Variants in CYP2C19 observed in about 807,000 individuals in gnomAD.
The protein encoded by CYP2C19 is cytochrome P450 family 2 subfamily C member 19.
Under a neutral mutation model 40.9 loss-of-function variants are expected in CYP2C19, and 59 were observed. That is an observed-to-expected ratio of 1.44 (90% CI 1.17 to 1.79). The LOEUF (loss-of-function observed/expected upper bound fraction) is 1.79, where lower values mean the gene tolerates loss of function less well. CYP2C19 is among the 40% of genes most tolerant of loss of function. The pLI is 0.00. For missense variants in CYP2C19, 754 were observed against 596.9 expected, an observed-to-expected ratio of 1.26 and a Z score of -2.74; for synonymous variants, 253 against 208.7, an observed-to-expected ratio of 1.21 and a Z score of -1.83.
rs1849685523 is a variant in CYP2C19, at chr10:94,853,472, C to T, written c.*558C>T. ...AGTGAGAAACTGTGTCCAGGAGCAG[C>T]TCCAACCTCTAGGGAAATATTCAGA... On this transcript the variant is annotated 3_prime_UTR_variant, in exon 9 of 9. Transcript: ENST00000371321. Among the ~76,000 whole-genome samples the T allele has an allele frequency of 6.6e-6, 1 of 151,638 alleles. No homozygotes were observed. Among genetic ancestry groups the T allele is most frequent in the Admixed American group, 6.6e-5 (1 of 15,232 alleles).
chr10:94,822,917 ATTTTTT>A (rs552158198), intron 6 of CYP2C19, among the ~76,000 whole-genome samples: 13 of 148,028 alleles, frequency 8.8e-5, no homozygotes, highest in African/African-American at 3.2e-4. Context: ...ACCATTTCTA[ATTTTTT>A]TTTTGTTTTT....
intron 5 of CYP2C19, among the ~76,000 whole-genome samples, chr10:94,790,837 T>G (rs1041217215): frequency 2.0e-5 from 3 of 152,136 alleles, no homozygotes; most frequent in African/African-American, 7.2e-5. Context: ...TCTCTTTTTT[T>G]GTGTGTCTCT....
intron 6 of CYP2C19, among the ~76,000 whole-genome samples, chr10:94,824,660 A>AT (rs1409223834): frequency 2.6e-5 from 4 of 152,072 alleles, no homozygotes; most frequent in African/African-American, 9.6e-5. Context: ...CAAACATTTC[A>AT]TTTTTTTAAT....
At chr10:94,851,545 A>G (rs1240391421) in intron 8 of CYP2C19, among the ~76,000 whole-genome samples, 1 of 152,162 alleles carries the variant, frequency 6.6e-6, no homozygotes, top group African/African-American at 2.4e-5. Flanking sequence ...TTCTTCTGCC[A>G]TATCAAAATA....
intron 6 of CYP2C19, among the ~76,000 whole-genome samples, chr10:94,835,816 G>T (rs1037495594): frequency 6.6e-6 from 1 of 152,114 alleles, no homozygotes; most frequent in African/African-American, 2.4e-5. Flanking sequence ...TAGTGCCCGA[G>T]TGAGGGCTAT....
intron 5 of CYP2C19, among the ~76,000 whole-genome samples, chr10:94,803,612 A>G (rs1222717877): frequency 6.6e-6 from 1 of 152,184 alleles, no homozygotes; most frequent in Non-Finnish European, 1.5e-5. Context: ...TAGCACCAGC[A>G]CTGAGAAATA....
chr10:94,848,143 G>T (rs1589378669), intron 7 of CYP2C19, among the ~76,000 whole-genome samples: 1 of 152,126 alleles, frequency 6.6e-6, no homozygotes, highest in Non-Finnish European at 1.5e-5. Context: ...TAGACATGAA[G>T]TCCTTGCCCA....
chr10:94,836,328 C>G (rs1849402642), intron 6 of CYP2C19, among the ~76,000 whole-genome samples: 1 of 152,242 alleles, frequency 6.6e-6, no homozygotes, highest in Non-Finnish European at 1.5e-5. Flanking sequence ...AGTTTCCTTA[C>G]TCAGGTATGC....
chr10:94,801,530 A>G (rs770474037), intron 5 of CYP2C19, among the ~76,000 whole-genome samples: 1 of 152,132 alleles, frequency 6.6e-6, no homozygotes, highest in Non-Finnish European at 1.5e-5. Flanking sequence ...TCAATTTTAG[A>G]CTAAGTGTTA....
At chr10:94,769,452 G>A (rs745372620) in intron 1 of CYP2C19, among the ~76,000 whole-genome samples, 9 of 152,264 alleles carry the variant, frequency 5.9e-5, no homozygotes, top group Non-Finnish European at 1.0e-4. Context: ...ACAGAAGAAG[G>A]CATCCTTGAG....
At chr10:94,848,116 C>T (rs978835866) in intron 7 of CYP2C19, among the ~76,000 whole-genome samples, 1 of 152,050 alleles carries the variant, frequency 6.6e-6, no homozygotes, top group African/African-American at 2.4e-5. Context: ...CTTTTGTTGC[C>T]ATTGCTTTTG....
intron 5 of CYP2C19, among the ~76,000 whole-genome samples, chr10:94,795,937 A>G (rs1014627696): frequency 1.3e-5 from 2 of 151,974 alleles, no homozygotes; most frequent in Admixed American, 6.5e-5. Context: ...ATTTTCTCCC[A>G]TTCTGTAGGT....
chr10:94,805,447 A>G (rs932505191), intron 5 of CYP2C19, among the ~76,000 whole-genome samples: 4 of 152,194 alleles, frequency 2.6e-5, no homozygotes, highest in African/African-American at 4.8e-5. Flanking sequence ...TTGTGGCAAA[A>G]TACACAAAAA....
intron 5 of CYP2C19, among the ~76,000 whole-genome samples, chr10:94,810,024 G>A (rs977621125): frequency 2.6e-5 from 4 of 152,116 alleles, no homozygotes; most frequent in African/African-American, 9.7e-5. Context: ...TGGAATTACA[G>A]AGGCTGCCAC....
intron 5 of CYP2C19, among the ~76,000 whole-genome samples, chr10:94,806,073 C>T (rs1006944743): frequency 1.3e-5 from 2 of 151,842 alleles, no homozygotes; most frequent in South Asian, 2.1e-4. Context: ...TCCACCGTCC[C>T]GTGGCAACCA....
At chr10:94,841,139 C>T (rs1450611168) in intron 6 of CYP2C19, among the ~76,000 whole-genome samples, 1 of 152,096 alleles carries the variant, frequency 6.6e-6, no homozygotes, top group Non-Finnish European at 1.5e-5. Context: ...TCACGAATTC[C>T]AAGGAATGGA....
chr10:94,816,738 C>T (rs1172121334), intron 5 of CYP2C19, among the ~76,000 whole-genome samples: 1 of 131,934 alleles, frequency 7.6e-6, no homozygotes, highest in South Asian at 2.8e-4. Flanking sequence ...CTCCCCCCAC[C>T]CCACATCAGT....
chr10:94,829,834 G>T (rs1046529586), intron 6 of CYP2C19, among the ~76,000 whole-genome samples: 16 of 151,636 alleles, frequency 1.1e-4, no homozygotes, highest in Non-Finnish European at 2.4e-4. Flanking sequence ...TGGGTTTTTG[G>T]TGTGGATGTC....
chr10:94,791,001 CT>C (rs1041292688), intron 5 of CYP2C19, among the ~76,000 whole-genome samples: 1 of 151,988 alleles, frequency 6.6e-6, no homozygotes, highest in East Asian at 1.9e-4. Flanking sequence ...TGGTTCTGGA[CT>C]TTTTTTGGTT....
Sources: gnomAD v4.1 joint callset for allele counts (sites outside exome capture counted in the v4.1 genomes callset) on GRCh38, gnomAD v4.1.1 for gene constraint, MANE v1.5 for transcripts, NCBI Gene and HGNC (gene_info 2026-07-23, HGNC 2026-07-21) for gene names.